Variants in SCAI observed in about 807,000 individuals in gnomAD.
SCAI encodes protein SCAI.
In SCAI, 24 loss-of-function variants were observed where a neutral mutation model predicts 92.2. That is an observed-to-expected ratio of 0.26 (90% CI 0.19 to 0.37). The LOEUF is 0.37. Among genes scored for constraint, SCAI ranks in the 10% least tolerant of loss-of-function variants. The pLI is 1.00. For synonymous variants in SCAI, 261 were observed against 258.6 expected (o/e 1.01, Z -0.09); for missense variants, 450 against 736.2 (o/e 0.61, Z 4.50).
At chr9:124,980,750 A>C (rs1275821764) in intron 14 of SCAI, among the ~76,000 whole-genome samples, 1 of 152,130 alleles carries the variant, frequency 6.6e-6, no homozygotes, top group Non-Finnish European at 1.5e-5. Context: ...AACTCACCCC[A>C]CTTATCTTTT....
rs1319335653 is a variant in SCAI, at chr9:125,091,031, T to C, written c.99-35024A>G. Among the ~76,000 whole-genome samples the C allele has an allele frequency of 3.3e-5, 5 of 152,040 alleles. No homozygotes were observed. The highest frequency in any genetic ancestry group is 2.9e-5 in the Non-Finnish European group (2 of 67,996). On this transcript the variant is annotated intron_variant, in intron 2 of 17. Transcript: ENST00000336505. This position sits in a 1 kb window ranked among gnomAD's most constrained non-coding sequence, Gnocchi z 4.3. ...TACTCCGGAGGCTGAGGCAGGAGAATAGGTGAACCCGGGAGGCGGAGCTTG... is the reference window on the plus strand; with the variant it reads ...TACTCCGGAGGCTGAGGCAGGAGAACAGGTGAACCCGGGAGGCGGAGCTTG...
chr9:125,040,854 T>C (rs1833306175), intron 3 of SCAI, among the ~76,000 whole-genome samples: 1 of 152,040 alleles, frequency 6.6e-6, no homozygotes, highest in African/African-American at 2.4e-5. Flanking sequence ...AGGCTAGTCT[T>C]GAACTACTGA....
intron 17 of SCAI, among the ~76,000 whole-genome samples, chr9:124,963,146 T>TC (rs1401863674): frequency 2.0e-5 from 3 of 148,204 alleles, no homozygotes; most frequent in Admixed American, 6.7e-5. Context: ...AAGAATTTTT[T>TC]CCCCCCCGAG....
chr9:125,046,686 C>A (rs541874120), intron 3 of SCAI, among the ~76,000 whole-genome samples: 1 of 142,802 alleles, frequency 7.0e-6, no homozygotes, highest in South Asian at 2.2e-4. Context: ...ACCTGTTCCC[C>A]AAAAAACTAC....
intron 2 of SCAI, among the ~76,000 whole-genome samples, chr9:125,066,456 A>AT (rs1183338955): frequency 2.9e-4 from 35 of 121,548 alleles, no homozygotes; most frequent in African/African-American, 9.1e-4. Context: ...TATTTTATTT[A>AT]TTTATTTATT....
rs1831191703 is a variant in SCAI, at chr9:124,948,788, C to T, written c.*4019G>A. 1 of 152,154 alleles carries T rather than the reference C, an allele frequency of 6.6e-6. No homozygotes were observed. Among genetic ancestry groups the T allele is most frequent in the African/African-American group, 2.4e-5 (1 of 41,434 alleles). The allele number at this position is 152,154 out of a possible 1,614,324, so 9.4% of individuals were successfully genotyped here. A position where few individuals can be genotyped will look rare whatever the true frequency, so the allele number is the denominator to read the frequency against. On this transcript the variant is annotated 3_prime_UTR_variant, in exon 18 of 18. Transcript: ENST00000336505. ...AGAGATGAGAGACTATCAGAATCTC[C>T]AGGGACAGTTTGTGCAATTTGAAAA... is the stretch of plus-strand genomic sequence containing the variant.
At chr9:125,136,111 T>G (rs746432475) in intron 2 of SCAI, among the ~76,000 whole-genome samples, 53 of 151,332 alleles carry the variant, frequency 3.5e-4, no homozygotes, top group Non-Finnish European at 6.3e-4. Context: ...AACAATTAAC[T>G]TACCTTTTTT....
At chr9:125,064,427 GTAAA>G (rs1833837899) in intron 2 of SCAI, among the ~76,000 whole-genome samples, 1 of 151,758 alleles carries the variant, frequency 6.6e-6, no homozygotes, top group Non-Finnish European at 1.5e-5. Flanking sequence ...AAATAAATAA[GTAAA>G]TAAATACTAA....
chr9:125,003,095 A>G lies in SCAI; in HGVS notation c.1065+19T>C. ...GGCACACTTTCACCTCATAGTAAAAAGTACTGGATCACACATACCTTAAAA... is the reference window on the plus strand; with the variant it reads ...GGCACACTTTCACCTCATAGTAAAAGGTACTGGATCACACATACCTTAAAA... On this transcript the variant is annotated intron_variant, in intron 11 of 17. Coordinates refer to ENST00000336505, the MANE Select transcript of SCAI (RefSeq NM_001144877.3). 6.5e-7 allele frequency: 1 copy of G among 1,531,120 alleles called. No homozygotes were observed. The highest frequency in any genetic ancestry group is 1.1e-5 in the South Asian group (1 of 88,226). 94.8% of individuals were successfully genotyped at this position (1,531,120 alleles called of 1,614,324 possible). A position where few individuals can be genotyped will look rare whatever the true frequency, so the allele number is the denominator to read the frequency against.
chr9:125,108,547 G>A (rs1191941444), intron 2 of SCAI, among the ~76,000 whole-genome samples: 2 of 147,918 alleles, frequency 1.4e-5, no homozygotes, highest in Admixed American at 1.3e-4. Flanking sequence ...GGTGAGGAGC[G>A]TCTCTGCCCA....
At chr9:124,966,965 TG>T (rs1171049839) in intron 17 of SCAI, among the ~76,000 whole-genome samples, 1 of 151,878 alleles carries the variant, frequency 6.6e-6, no homozygotes, top group Non-Finnish European at 1.5e-5. Context: ...ATTCACCCAT[TG>T]GAAAAGCCTT....
intron 2 of SCAI, among the ~76,000 whole-genome samples, chr9:125,077,356 C>A (rs751300145): frequency 6.6e-6 from 1 of 152,186 alleles, no homozygotes; most frequent in African/African-American, 2.4e-5. Flanking sequence ...CTCCTTTCAA[C>A]AAGTGATGAA....
chr9:124,978,373 G>A (rs1004417399), intron 14 of SCAI, among the ~76,000 whole-genome samples: 16 of 152,146 alleles, frequency 1.1e-4, no homozygotes, highest in South Asian at 2.1e-4. Flanking sequence ...CCCGGGAAGC[G>A]GAGGCTGCAG....
At position 124,946,162 on chromosome 9, in the gene SCAI, T is replaced by A. The variant is rs1169564236; in HGVS notation, c.*6645A>T. The A allele has an allele frequency of 2.0e-5, 3 of 152,220 alleles. No individual in the cohort carries two copies. Among genetic ancestry groups the A allele is most frequent in the Admixed American group, 6.5e-5 (1 of 15,286 alleles). 9.4% of individuals were successfully genotyped at this position (152,220 alleles called of 1,614,324 possible). On this transcript the variant is annotated 3_prime_UTR_variant, in exon 18 of 18. Transcript: ENST00000336505. The surrounding 1 kb of genome is among the most constrained non-coding windows in gnomAD (Gnocchi z 4.0). Reference sequence around the variant, plus strand: ...TTAAATGGTATAATATCTGCTCTACTACTCTCCAGTGCAAAAACAATGATT... The same window carrying A: ...TTAAATGGTATAATATCTGCTCTACAACTCTCCAGTGCAAAAACAATGATT...
chr9:125,139,822 G>A (rs2131277406), intron 2 of SCAI, among the ~76,000 whole-genome samples: 1 of 152,346 alleles, frequency 6.6e-6, no homozygotes, highest in East Asian at 1.9e-4. Context: ...GAGTCTGGCA[G>A]TGGGGTAATG....
intron 2 of SCAI, among the ~76,000 whole-genome samples, chr9:125,106,096 C>CAAAAAA (rs1168643448): frequency 5.9e-4 from 11 of 18,776 alleles, no homozygotes; most frequent in East Asian, 4.9e-3. Flanking sequence ...GACTCCATCT[C>CAAAAAA]AAAAAAAAAA....
chr9:124,992,254 C>T (rs558918505), intron 14 of SCAI, among the ~76,000 whole-genome samples: 99 of 151,826 alleles, frequency 6.5e-4, no homozygotes, highest in African/African-American at 2.3e-3. Context: ...ATATGAGACA[C>T]CTTTATATGC....
chr9:125,081,718 G>A (rs534668442), intron 2 of SCAI, among the ~76,000 whole-genome samples: 6 of 152,176 alleles, frequency 3.9e-5, no homozygotes, highest in South Asian at 2.1e-4. Context: ...GACCACAGGC[G>A]CATGCTGCCA....
chr9:125,106,280 A>C (rs1255911538), intron 2 of SCAI, among the ~76,000 whole-genome samples: 3 of 149,838 alleles, frequency 2.0e-5, no homozygotes, highest in South Asian at 4.2e-4. Flanking sequence ...TAAAAAAAAA[A>C]CACAAGCATT....
Sources: allele counts gnomAD v4.1 joint callset (sites outside exome capture counted in the v4.1 genomes callset), GRCh38; gene constraint gnomAD v4.1.1; non-coding constraint Gnocchi (gnomAD v3.1); transcripts MANE v1.5; gene names NCBI Gene and HGNC (gene_info 2026-07-23, HGNC 2026-07-21).